Variants in SUCLG2 observed in about 807,000 individuals in gnomAD.
The protein encoded by SUCLG2 is succinate-CoA ligase GDP-forming subunit beta.
In SUCLG2, 42 loss-of-function variants were observed where a neutral mutation model predicts 47.9. The observed-to-expected ratio is 0.88, with a 90% confidence interval of 0.69 to 1.14. The LOEUF (loss-of-function observed/expected upper bound fraction) is 1.14. SUCLG2 is among the 50% of genes most tolerant of loss of function. The pLI is 0.00. For missense variants in SUCLG2, 571 were observed against 525.9 expected (o/e 1.09, Z -0.84); for synonymous variants, 195 against 197.3 (o/e 0.99, Z 0.10).
At chr3:67,454,340 G>C (rs1445234378) in intron 9 of SUCLG2, among the ~76,000 whole-genome samples, 1 of 151,934 alleles carries the variant, frequency 6.6e-6, no homozygotes, top group African/African-American at 2.4e-5. Context: ...ATAGGGTTGT[G>C]GTCGCACTGG....
chr3:67,380,227 TG>T (rs1702125343), intron 10 of SUCLG2, among the ~76,000 whole-genome samples: 1 of 151,700 alleles, frequency 6.6e-6, no homozygotes, highest in Admixed American at 6.6e-5. Context: ...TGGCTCCTTT[TG>T]CTGGGAAGGG....
chr3:67,441,091 C>G (rs1344900468), intron 9 of SUCLG2, among the ~76,000 whole-genome samples: 1 of 152,118 alleles, frequency 6.6e-6, no homozygotes, highest in Non-Finnish European at 1.5e-5. Context: ...ATGGATGAAG[C>G]TGGAAACCAT....
intron 9 of SUCLG2, among the ~76,000 whole-genome samples, chr3:67,438,602 C>A (rs935548675): frequency 7.2e-5 from 11 of 152,166 alleles, no homozygotes; most frequent in African/African-American, 2.2e-4. Flanking sequence ...GAGAATACTA[C>A]AAACACCTCT....
chr3:67,439,769 T>C (rs551132580), intron 9 of SUCLG2, among the ~76,000 whole-genome samples: 9 of 152,268 alleles, frequency 5.9e-5, no homozygotes, highest in Non-Finnish European at 7.4e-5. Flanking sequence ...TGCTCATGAA[T>C]AGGAAGAATC....
chr3:67,519,546 T>C (rs939505531), intron 5 of SUCLG2, among the ~76,000 whole-genome samples: 25 of 152,158 alleles, frequency 1.6e-4, no homozygotes, highest in African/African-American at 6.0e-4. Context: ...ATCGTTTCCA[T>C]TCAAGTCGCA....
Position 67,653,597 on chromosome 3 carries a change from A to C in SUCLG2, c.84+906T>G, listed in dbSNP as rs76188806. ...GTGATAATTTGCCTCTCATCAATTA[A>C]AAATGGGGAAATAGGCAAGGTCATT... On this transcript the variant is annotated intron_variant, in intron 1 of 10. Coordinates refer to ENST00000307227, the MANE Select transcript of SUCLG2 (RefSeq NM_003848.4). Among the ~76,000 whole-genome samples the C allele has an allele frequency of 1.6e-3, 243 of 152,344 alleles. 1 individual carries two copies. Among genetic ancestry groups the C allele is most frequent in the African/African-American group, 4.9e-3 (202 of 41,582 alleles).
chr3:67,368,969 A>G (rs1162426405), intron 10 of SUCLG2, among the ~76,000 whole-genome samples: 1 of 152,160 alleles, frequency 6.6e-6, no homozygotes, highest in Non-Finnish European at 1.5e-5. Context: ...AATGTAGTTA[A>G]ATTGGGGTTT....
chr3:67,486,651 T>G (rs1310105098), intron 9 of SUCLG2, among the ~76,000 whole-genome samples: 3 of 152,280 alleles, frequency 2.0e-5, no homozygotes, highest in Admixed American at 6.5e-5. Flanking sequence ...ACCTGTATGC[T>G]CTCTGTAGGG....
chr3:67,586,520 A>G (rs1055333899), intron 2 of SUCLG2, among the ~76,000 whole-genome samples: 1 of 152,218 alleles, frequency 6.6e-6, no homozygotes, highest in Non-Finnish European at 1.5e-5. Context: ...TAGGCAGTCA[A>G]TTAATCTACC....
chr3:67,516,102 G>C (rs1473264865), intron 6 of SUCLG2, among the ~76,000 whole-genome samples: 1 of 152,150 alleles, frequency 6.6e-6, no homozygotes, highest in African/African-American at 2.4e-5. Context: ...AGGCACAGCA[G>C]ACTGAGCAGC....
intron 10 of SUCLG2, among the ~76,000 whole-genome samples, chr3:67,395,622 A>G (rs1039802482): frequency 6.6e-6 from 1 of 152,242 alleles, no homozygotes; most frequent in African/African-American, 2.4e-5. Context: ...TGAGACAGAA[A>G]GTTAACAACG....
chr3:67,461,509 C>T (rs1300794037), intron 9 of SUCLG2, among the ~76,000 whole-genome samples: 2 of 151,520 alleles, frequency 1.3e-5, no homozygotes, highest in African/African-American at 4.9e-5. Context: ...GTATCAGGTA[C>T]TGGGAAAACA....
intron 2 of SUCLG2, among the ~76,000 whole-genome samples, chr3:67,606,231 T>A (rs1700415980): frequency 6.6e-6 from 1 of 151,732 alleles, no homozygotes; most frequent in Admixed American, 6.6e-5. Flanking sequence ...TAAATACAAG[T>A]AAAAAGCATG....
At chr3:67,624,288 G>A (rs1237713256) in intron 1 of SUCLG2, among the ~76,000 whole-genome samples, 3 of 152,154 alleles carry the variant, frequency 2.0e-5, no homozygotes, top group Non-Finnish European at 4.4e-5. Flanking sequence ...GACCTTCGCT[G>A]GGGAAATTCC....
chr3:67,595,365 A>G (rs1275711756), intron 2 of SUCLG2, among the ~76,000 whole-genome samples: 3 of 152,154 alleles, frequency 2.0e-5, no homozygotes, highest in African/African-American at 7.2e-5. Flanking sequence ...GTGAGGAGGC[A>G]CCAGGGCTTC....
At chr3:67,497,572 T>C (rs1409896802) in intron 8 of SUCLG2, among the ~76,000 whole-genome samples, 1 of 152,178 alleles carries the variant, frequency 6.6e-6, no homozygotes, top group African/African-American at 2.4e-5. Flanking sequence ...CCTGAAACTT[T>C]AGCAACGTGA....
intron 2 of SUCLG2, among the ~76,000 whole-genome samples, chr3:67,537,924 C>A (rs1013033574): frequency 1.3e-5 from 2 of 151,952 alleles, no homozygotes; most frequent in African/African-American, 4.8e-5. Flanking sequence ...TTGTTTTCTT[C>A]TTTCTTGTAA....
chr3:67,557,387 T>A (rs144698734), intron 2 of SUCLG2, among the ~76,000 whole-genome samples: 308 of 152,290 alleles, frequency 2.0e-3, no homozygotes, highest in African/African-American at 7.3e-3. Flanking sequence ...AAACATTTAT[T>A]GAATTCCTAC....
rs72918957 is a variant in SUCLG2, at chr3:67,427,619, G to A, written c.1063-26768C>T. Among the ~76,000 whole-genome samples the A allele has an allele frequency of 9.3e-4, 142 of 152,252 alleles. 1 individual carries two copies. Among genetic ancestry groups the A allele is most frequent in the African/African-American group, 3.1e-3 (130 of 41,538 alleles). On this transcript the variant is annotated intron_variant, in intron 9 of 10. Transcript: ENST00000307227. ...GAGGTTCATATCACTGGGGCTTGTC[G>A]GATACTGGGTGCAGCCCATGGAGCA...
Sources: gnomAD v4.1 joint callset for allele counts (sites outside exome capture counted in the v4.1 genomes callset) on GRCh38, gnomAD v4.1.1 for gene constraint, MANE v1.5 for transcripts, NCBI Gene and HGNC (gene_info 2026-07-23, HGNC 2026-07-21) for gene names.